SHANK2: variants seen among roughly 807,000 people sequenced by gnomAD.
SHANK2 encodes SH3 and multiple ankyrin repeat domains 2.
A neutral mutation model predicts 133.7 loss-of-function variants in SHANK2; 43 were observed. The ratio of observed to expected loss-of-function variants is 0.32; its 90% CI spans 0.25 to 0.41. The LOEUF (loss-of-function observed/expected upper bound fraction) is 0.41. Ranked by LOEUF, SHANK2 falls within the 10% of genes least tolerant of loss-of-function variation. The pLI, the probability that SHANK2 is intolerant of heterozygous loss-of-function variation, is 1.00. For missense variants in SHANK2, 1,994 were observed against 2,235.8 expected (o/e 0.89, Z 2.18); for synonymous variants, 1,017 against 952.8 (o/e 1.07, Z -1.24).
intron 9 of SHANK2, among the ~76,000 whole-genome samples, chr11:71,074,360 A>G (rs1443516137): frequency 6.6e-6 from 1 of 152,210 alleles, no homozygotes; most frequent in Non-Finnish European, 1.5e-5. Context: ...CACACCCAGC[A>G]TGGTTTCAAC....
Position 71,171,190 on chromosome 11 carries a change from T to C in SHANK2, c.-12-23852A>G, listed in dbSNP as rs543173086. On this transcript the variant is annotated intron_variant, in intron 2 of 25. Transcript: ENST00000601538. The stretch of plus-strand genomic sequence containing the variant: ...GGAGACAGCATCACCAGGAAATGTA[T>C]ACAGACACATGCGGGTGGGCTTGTC... Among the ~76,000 whole-genome samples, 3 of 152,284 alleles carry C rather than the reference T, an allele frequency of 2.0e-5. No homozygotes were observed. The East Asian group carries it at 5.8e-4, about 29-fold the overall frequency.
At chr11:71,205,311 T>C (rs1303550185) in intron 2 of SHANK2, among the ~76,000 whole-genome samples, 1 of 152,168 alleles carries the variant, frequency 6.6e-6, no homozygotes, top group Non-Finnish European at 1.5e-5. Context: ...AATCTGGTGG[T>C]CATGCCTCTC....
At chr11:70,953,421 T>C (rs1183235541) in intron 10 of SHANK2, among the ~76,000 whole-genome samples, 1 of 151,866 alleles carries the variant, frequency 6.6e-6, no homozygotes, top group Non-Finnish European at 1.5e-5. Flanking sequence ...CCAGTCCAAG[T>C]CCGAAAGCCT....
intron 2 of SHANK2, among the ~76,000 whole-genome samples, chr11:71,199,457 A>T (rs1160137947): frequency 6.6e-6 from 1 of 152,140 alleles, no homozygotes; most frequent in African/African-American, 2.4e-5. Context: ...ACACGTGACC[A>T]CTCAGTCAAA....
chr11:71,072,802 G>A (rs1050564983), intron 9 of SHANK2, among the ~76,000 whole-genome samples: 38 of 152,196 alleles, frequency 2.5e-4, no homozygotes, highest in African/African-American at 8.4e-4. Context: ...AGACACCAAA[G>A]GACAAACACT....
chr11:70,707,482 G>A (rs1412046402), intron 14 of SHANK2, among the ~76,000 whole-genome samples: 1 of 151,810 alleles, frequency 6.6e-6, no homozygotes, highest in African/African-American at 2.4e-5. Context: ...TCCATGGGCA[G>A]TGGTCCCCTC....
intron 17 of SHANK2, among the ~76,000 whole-genome samples, chr11:70,636,582 T>A (rs4993757): frequency 1.5e-4 from 8 of 52,346 alleles, no homozygotes; most frequent in Admixed American, 3.5e-4. Context: ...TGTATGAATG[T>A]GAGTCTGTGT....
At chr11:70,523,785 T>C (rs1554971569) in intron 17 of SHANK2, among the ~76,000 whole-genome samples, 1 of 152,110 alleles carries the variant, frequency 6.6e-6, no homozygotes, top group East Asian at 1.9e-4. Flanking sequence ...AGAATATCCA[T>C]AATTTCAGTT....
chr11:70,508,217 C>T lies in SHANK2; in HGVS notation c.2062-5286G>A, dbSNP rs577601611. ...GGCTCATGGGGGTGGATGGTGCCCA[C>T]GTGCTGCTGGGCACACACCTGCCCT... On this transcript the variant is annotated intron_variant, in intron 17 of 25. Transcript: ENST00000601538. Among the ~76,000 whole-genome samples the T allele has an allele frequency of 7.2e-5, 11 of 152,326 alleles. No individual in the cohort carries two copies. The South Asian group carries it at 2.3e-3, about 32-fold the overall frequency.
At chr11:70,816,066 G>A (rs1447565353) in intron 12 of SHANK2, among the ~76,000 whole-genome samples, 1 of 152,182 alleles carries the variant, frequency 6.6e-6, no homozygotes, top group African/African-American at 2.4e-5. Flanking sequence ...GCAGCCAGCG[G>A]GGTCTTTCTA....
rs924039465 is a variant in SHANK2, at chr11:70,593,218, T to C, written c.2061+66610A>G. Among the ~76,000 whole-genome samples the C allele has an allele frequency of 2.0e-5, 3 of 152,218 alleles. No individual in the cohort carries two copies. The East Asian group carries it at 5.8e-4, about 29-fold the overall frequency. The stretch of plus-strand genomic sequence containing the variant: ...CTCCTCTACTTATTATATTCTATAA[T>C]TTCTCAGCAGTCTCCACGCAGTTCT... On this transcript the variant is annotated intron_variant, in intron 17 of 25. Coordinates refer to ENST00000601538, the MANE Select transcript of SHANK2 (RefSeq NM_012309.5).
intron 1 of SHANK2, among the ~76,000 whole-genome samples, chr11:71,225,111 C>A (rs1555121974): frequency 6.6e-6 from 1 of 152,150 alleles, no homozygotes; most frequent in African/African-American, 2.4e-5. Flanking sequence ...AAGCCAGCAA[C>A]CCAGAAAAGC....
At chr11:71,129,279 G>A (rs1555103278) in intron 3 of SHANK2, among the ~76,000 whole-genome samples, 1 of 152,184 alleles carries the variant, frequency 6.6e-6, no homozygotes, top group Non-Finnish European at 1.5e-5. Context: ...GGACTGTGCA[G>A]ACCATTAACT....
Position 70,755,489 on chromosome 11 carries a change from G to A in SHANK2, c.1777+42954C>T, listed in dbSNP as rs550898378. ...CTGCCCTGTGAGCGTCCAACCTCTT[G>A]GCCTCTCTGGTGCCCTGTGGGCACC... On this transcript the variant is annotated intron_variant, in intron 14 of 25. Coordinates refer to ENST00000601538, the MANE Select transcript of SHANK2 (RefSeq NM_012309.5). Among the ~76,000 whole-genome samples, 3 of 152,306 alleles carry A rather than the reference G, an allele frequency of 2.0e-5. No homozygotes were observed. The East Asian group carries it at 5.8e-4, about 29-fold the overall frequency.
intron 10 of SHANK2, among the ~76,000 whole-genome samples, chr11:70,909,326 C>T (rs2135717047): frequency 6.6e-6 from 1 of 152,310 alleles, no homozygotes; most frequent in East Asian, 1.9e-4. Context: ...GAACCCTAGA[C>T]TCACGGCACA....
intron 2 of SHANK2, among the ~76,000 whole-genome samples, chr11:71,167,417 A>AC (rs539162998): frequency 0.015 from 1,800 of 119,454 alleles, 47 homozygotes; most frequent in East Asian, 0.12. Flanking sequence ...CGGGGGGCTG[A>AC]CCCCCCCCAC....
At chr11:70,847,859 G>C (rs1316496835) in intron 11 of SHANK2, among the ~76,000 whole-genome samples, 1 of 152,246 alleles carries the variant, frequency 6.6e-6, no homozygotes, top group Non-Finnish European at 1.5e-5. Flanking sequence ...ACCAAAGAGG[G>C]GGGCAGGGCT....
chr11:71,157,353 G>T (rs1952925902), intron 2 of SHANK2, among the ~76,000 whole-genome samples: 1 of 152,192 alleles, frequency 6.6e-6, no homozygotes, highest in Non-Finnish European at 1.5e-5. Context: ...ATGCCTCACT[G>T]GTGTGTTCTA....
At chr11:70,842,811 C>T (rs565192991) in intron 11 of SHANK2, among the ~76,000 whole-genome samples, 2 of 152,184 alleles carry the variant, frequency 1.3e-5, no homozygotes, top group Admixed American at 6.5e-5. Flanking sequence ...GCCCAAGAGA[C>T]GGCCGAGGTG....
Sources: gnomAD v4.1 joint callset for allele counts (sites outside exome capture counted in the v4.1 genomes callset) on GRCh38, gnomAD v4.1.1 for gene constraint, MANE v1.5 for transcripts, NCBI Gene and HGNC (gene_info 2026-07-23, HGNC 2026-07-21) for gene names.